MON2: variants seen among roughly 807,000 people sequenced by gnomAD.
MON2 encodes the protein protein MON2 homolog.
MON2 carries 84 observed loss-of-function variants against 208.6 expected under a neutral mutation model. The ratio of observed to expected loss-of-function variants is 0.40; its 90% confidence interval spans 0.34 to 0.48. The LOEUF (loss-of-function observed/expected upper bound fraction) is 0.48, where lower values mean the gene tolerates loss of function less well. MON2 is among the 20% of genes least tolerant of loss of function. The pLI is 0.59. For synonymous variants in MON2, 660 were observed against 694.0 expected, an observed-to-expected ratio of 0.95 and a Z score of 0.77; for missense variants, 1,611 against 2,015.4, an observed-to-expected ratio of 0.80 and a Z score of 3.84.
chr12:62,563,344 T>A (rs1239585046), intron 26 of MON2, among the ~76,000 whole-genome samples: 7 of 152,208 alleles, frequency 4.6e-5, no homozygotes. Flanking sequence ...ATTTTCATCA[T>A]CAAGTTCTCT....
At chr12:62,557,853 G>T (rs2074026107) in intron 25 of MON2, among the ~76,000 whole-genome samples, 1 of 134,948 alleles carries the variant, frequency 7.4e-6, no homozygotes, top group Non-Finnish European at 1.5e-5. Context: ...CTGTACATTT[G>T]CTAAGTTTTG....
chr12:62,588,217 T>G, intron 34 of MON2, 61 bp downstream of exon 34: 1 of 1,162,470 alleles, frequency 8.6e-7, no homozygotes, highest in Non-Finnish European at 1.2e-6. Flanking sequence ...TGTGATGGAC[T>G]TTTGTCTGTT....
Position 62,560,668 on chromosome 12 carries a change from C to G in MON2, c.3587C>G (p.Pro1196Arg). Residue 1196 changes from proline (P) to arginine (R), a missense_variant, in exon 26 of 35, where the codon CCT becomes CGT. Transcript: ENST00000393630. ...CCACCTGTAGTTAATGTACCTGTGC[C>G]TGTTCTTATAGGGCCCATATCAGGC... ...ETPPVVNVPV[P>R]VLIGPISGMS... The G allele has an allele frequency of 1.2e-6, 2 of 1,614,028 alleles. No homozygotes were observed. Among genetic ancestry groups the G allele is most frequent in the Non-Finnish European group, 8.5e-7 (1 of 1,179,990 alleles).
intron 3 of MON2, among the ~76,000 whole-genome samples, chr12:62,494,585 T>G (rs2070364946): frequency 6.6e-6 from 1 of 152,228 alleles, no homozygotes; most frequent in Non-Finnish European, 1.5e-5. Context: ...ATGTCAGATT[T>G]AATTGAGTGT....
At chr12:62,566,255 T>C in intron 28 of MON2, 67 bp from the exon 29 acceptor site, 12 of 1,549,624 alleles carry the variant, frequency 7.7e-6, no homozygotes, top group Non-Finnish European at 1.0e-5. Flanking sequence ...TGCTTTCTCT[T>C]TGAAAACAAT....
At chr12:62,482,059 C>T (rs7975560) in intron 1 of MON2, among the ~76,000 whole-genome samples, 56,573 of 152,048 alleles carry the variant, frequency 0.37, 10,748 homozygotes, top group African/African-American at 0.42. Flanking sequence ...CTGCTGCCTT[C>T]GGAAACTAGA....
intron 9 of MON2, 60 bp downstream of exon 9, chr12:62,524,699 A>G (rs2072244395): frequency 6.7e-7 from 1 of 1,489,852 alleles, no homozygotes; most frequent in African/African-American, 1.4e-5. Context: ...CCTGTAAACT[A>G]ACCTATAATA....
At chr12:62,487,730 A>G (rs1193598697) in intron 2 of MON2, among the ~76,000 whole-genome samples, 3 of 152,040 alleles carry the variant, frequency 2.0e-5, no homozygotes, top group East Asian at 1.9e-4. Context: ...ATATTTTACA[A>G]ACATCTATAG....
intron 33 of MON2, 146 bp downstream of exon 33, chr12:62,585,647 A>G (rs964226812): frequency 4.9e-6 from 3 of 617,044 alleles, no homozygotes; most frequent in Non-Finnish European, 8.0e-6. Flanking sequence ...TATGGTGTAA[A>G]TATTCACAGG....
At chr12:62,473,419 T>C (rs2135952918) in intron 1 of MON2, among the ~76,000 whole-genome samples, 1 of 152,332 alleles carries the variant, frequency 6.6e-6, no homozygotes, top group East Asian at 1.9e-4. Context: ...TTTACAACTT[T>C]CTTGTTTTTG....
chr12:62,485,890 G>A (rs2069751647), intron 2 of MON2, among the ~76,000 whole-genome samples: 1 of 152,116 alleles, frequency 6.6e-6, no homozygotes, highest in South Asian at 2.1e-4. Flanking sequence ...TTTTAGTAGA[G>A]ACAGGGTTTC....
Position 62,592,733 on chromosome 12 carries a change from A to C in MON2, c.5138A>C (p.Gln1713Pro). The change falls in exon 35 of 35, where the codon CAA becomes CCA. Residue 1713 changes from glutamine to proline, a missense_variant. By Grantham distance (76) the Gln-to-Pro change is moderately conservative. Transcript: ENST00000393630. ...ATGCAGCCACCAGCATCCAGAGTTC[A>C]AAATGGAGAATCTTGACCGGCTACA... ...DFMQPPASRV[Q>P]NGES 1 of 1,595,288 alleles carries C rather than the reference A, an allele frequency of 6.3e-7. No individual in the cohort carries two copies. Among genetic ancestry groups the C allele is most frequent in the Non-Finnish European group, 8.6e-7 (1 of 1,166,078 alleles).
chr12:62,526,175 A>G, intron 11 of MON2, 73 bp downstream of exon 11: 1 of 1,422,226 alleles, frequency 7.0e-7, no homozygotes, highest in Non-Finnish European at 9.7e-7. Context: ...ATTCTTCTCT[A>G]TTGTATTTTA....
At chr12:62,508,637 A>G (rs1425816879) in intron 8 of MON2, 157 bp downstream of exon 8, 3 of 616,992 alleles carry the variant, frequency 4.9e-6, no homozygotes, top group East Asian at 2.7e-5. Flanking sequence ...GGTTTGTTCT[A>G]TCCTTTCTTG....
intron 8 of MON2, among the ~76,000 whole-genome samples, chr12:62,519,591 C>T (rs1051820848): frequency 3.3e-5 from 5 of 152,176 alleles, no homozygotes; most frequent in Admixed American, 1.3e-4. Flanking sequence ...AATTATTTTA[C>T]GTTTTCCAAA....
chr12:62,483,093 C>T (rs577474004), intron 1 of MON2: 19 of 151,838 alleles, frequency 1.3e-4, no homozygotes, highest in Admixed American at 3.3e-4. Flanking sequence ...AATAATTTAA[C>T]GTAATAATTT....
intron 25 of MON2, 88 bp downstream of exon 25, chr12:62,556,280 A>G (rs1194645485): frequency 8.0e-7 from 1 of 1,247,922 alleles, no homozygotes; most frequent in Non-Finnish European, 1.1e-6. Context: ...AGTCTATCTT[A>G]ACTTAGTCTT....
At chr12:62,495,583 G>T (rs993097244) in intron 4 of MON2, among the ~76,000 whole-genome samples, 6 of 151,028 alleles carry the variant, frequency 4.0e-5, no homozygotes, top group Admixed American at 6.6e-5. Context: ...CCGGCTACTC[G>T]GGAGGCTGAG....
chr12:62,504,245 C>CT (rs71450586), intron 7 of MON2, among the ~76,000 whole-genome samples: 20,912 of 118,522 alleles, frequency 0.18, 2,316 homozygotes, highest in African/African-American at 0.3. Flanking sequence ...CTTTTCTTTT[C>CT]TTTTTTTTTT....
Sources: allele counts gnomAD v4.1 joint callset (sites outside exome capture counted in the v4.1 genomes callset), GRCh38; gene constraint gnomAD v4.1.1; transcripts MANE v1.5; gene names NCBI Gene and HGNC (gene_info 2026-07-23, HGNC 2026-07-21).